The following KANSL1 variants were observed in gnomAD, a reference collection of about 807,000 sequenced individuals.
KANSL1 encodes KAT8 regulatory NSL complex subunit 1, also known as MLL1/MLL complex subunit KANSL1.
In KANSL1, 22 loss-of-function variants were observed where a neutral mutation model predicts 103.6. The observed-to-expected ratio is 0.21, with a 90% confidence interval of 0.15 to 0.30. The LOEUF (loss-of-function observed/expected upper bound fraction) is 0.30. Among genes scored for constraint, KANSL1 ranks in the 10% least tolerant of loss-of-function variants. KANSL1 has a pLI of 1.00. For synonymous variants in KANSL1, 600 were observed against 527.6 expected (o/e 1.14, Z -1.88); for missense variants, 1,337 against 1,399.8 (o/e 0.96, Z 0.72).
intron 1 of KANSL1, among the ~76,000 whole-genome samples, chr17:46,219,147 C>T (rs1488655645): frequency 6.6e-6 from 1 of 151,730 alleles, no homozygotes; most frequent in East Asian, 1.9e-4. Context: ...GCCTGTAATC[C>T]CAGCTACTTG....
chr17:46,162,296 G>A (rs936645072), intron 2 of KANSL1, among the ~76,000 whole-genome samples: 3 of 152,326 alleles, frequency 2.0e-5, no homozygotes, highest in East Asian at 1.9e-4. Context: ...TGTTTAGGGA[G>A]GTGGGGAAAT....
At chr17:46,034,436 G>A in intron 10 of KANSL1, 151 bp from the exon 11 acceptor site, 1 of 742,792 alleles carries the variant, frequency 1.3e-6, no homozygotes, top group Non-Finnish European at 2.2e-6. Flanking sequence ...TCCCACCTAG[G>A]AGTCAGTCTC....
intron 3 of KANSL1, among the ~76,000 whole-genome samples, chr17:46,091,195 T>C (rs766062812): frequency 3.3e-5 from 5 of 152,184 alleles, no homozygotes; most frequent in African/African-American, 4.8e-5. Flanking sequence ...TGTGTCTTAG[T>C]TTTTAGCAAA....
intron 2 of KANSL1, chr17:46,170,306 G>A (rs1255243100): frequency 2.0e-5 from 3 of 152,470 alleles, no homozygotes; most frequent in East Asian, 1.9e-4. Flanking sequence ...GACTGTGCTT[G>A]GAGGCGATGT....
intron 2 of KANSL1, among the ~76,000 whole-genome samples, chr17:46,156,135 G>A (rs1429212270): frequency 2.0e-5 from 3 of 152,156 alleles, no homozygotes; most frequent in African/African-American, 4.8e-5. Context: ...ATCACCTGAG[G>A]TCAAAAGTTC....
At chr17:46,100,298 G>A (rs530568959) in intron 2 of KANSL1, among the ~76,000 whole-genome samples, 1 of 152,172 alleles carries the variant, frequency 6.6e-6, no homozygotes, top group East Asian at 1.9e-4. Context: ...TTATCCAGAC[G>A]TAGTCGCGCA....
At chr17:46,145,366 T>G (rs1480240232) in intron 2 of KANSL1, among the ~76,000 whole-genome samples, 1 of 152,256 alleles carries the variant, frequency 6.6e-6, no homozygotes, top group African/African-American at 2.4e-5. Flanking sequence ...TCTACTGATT[T>G]ATGCAATAAA....
intron 2 of KANSL1, among the ~76,000 whole-genome samples, chr17:46,121,037 T>C (rs965731166): frequency 6.6e-6 from 1 of 152,166 alleles, no homozygotes; most frequent in African/African-American, 2.4e-5. Flanking sequence ...TTATAACCCA[T>C]ACATCCAGCC....
intron 2 of KANSL1, among the ~76,000 whole-genome samples, chr17:46,162,197 A>C (rs2147632800): frequency 6.6e-6 from 1 of 152,354 alleles, no homozygotes; most frequent in East Asian, 1.9e-4. Flanking sequence ...AAATTGGAGA[A>C]AGATAATTCA....
chr17:46,096,480 C>T (rs2042090348), intron 2 of KANSL1, among the ~76,000 whole-genome samples: 1 of 150,420 alleles, frequency 6.6e-6, no homozygotes, highest in African/African-American at 2.4e-5. Flanking sequence ...GCCACCATGC[C>T]CGGCTAATTT....
At chr17:46,208,109 CA>C (rs535893493) in intron 1 of KANSL1, among the ~76,000 whole-genome samples, 236 of 130,500 alleles carry the variant, frequency 1.8e-3, no homozygotes, top group African/African-American at 3.6e-3. Context: ...AAATCCGTCT[CA>C]AAAAAAAAAA....
At chr17:46,190,506 T>G (rs1048280435) in intron 1 of KANSL1, among the ~76,000 whole-genome samples, 1 of 152,248 alleles carries the variant, frequency 6.6e-6, no homozygotes, top group Admixed American at 6.5e-5. Context: ...TGGACTCATA[T>G]AGATGGAAAG....
At chr17:46,208,441 G>A (rs1036739186) in intron 1 of KANSL1, among the ~76,000 whole-genome samples, 16 of 151,694 alleles carry the variant, frequency 1.1e-4, no homozygotes, top group African/African-American at 2.7e-4. Context: ...GCAAGACCCC[G>A]GCTCTACTAA....
In KANSL1 at chr17:46,171,301, G is replaced by A. The variant is rs753023870; in HGVS notation, c.843C>T (p.Asp281=). Residue 281 remains aspartate, a synonymous_variant, in exon 2 of 15, where the codon GAC becomes GAT. Transcript: ENST00000432791. The part of the protein sequence containing the change: ...SSILFSALDS[D]TRITALLRRQ... ...GCCGCAGTAAAGCTGTTATCCTTGT[G>A]TCAGAATCTAAAGCACTGAAAAGAA... is the stretch of plus-strand genomic sequence containing the variant. The A allele has an allele frequency of 3.1e-6, 5 of 1,614,118 alleles. No individual in the cohort carries two copies. The Admixed American group carries it at 5.0e-5, about 16-fold the overall frequency.
At chr17:46,205,987 A>G (rs1489495000) in intron 1 of KANSL1, among the ~76,000 whole-genome samples, 2 of 151,390 alleles carry the variant, frequency 1.3e-5, no homozygotes, top group Non-Finnish European at 2.9e-5. Flanking sequence ...TGAGGAGGGA[A>G]GATCACTTGA....
At chr17:46,200,821 C>T (rs538863569) in intron 1 of KANSL1, among the ~76,000 whole-genome samples, 1 of 152,110 alleles carries the variant, frequency 6.6e-6, no homozygotes, top group East Asian at 1.9e-4. Context: ...AAATCTTGTT[C>T]TGATGGCATG....
intron 1 of KANSL1, among the ~76,000 whole-genome samples, chr17:46,218,680 G>A (rs2048416616): frequency 6.6e-6 from 1 of 152,110 alleles, no homozygotes; most frequent in Non-Finnish European, 1.5e-5. Flanking sequence ...CTACTTGAGA[G>A]GCTGAGGCAG....
chr17:46,221,950 T>G (rs2048544000), intron 1 of KANSL1: 1 of 152,168 alleles, frequency 6.6e-6, no homozygotes, highest in African/African-American at 2.4e-5. Flanking sequence ...AATGCTATCC[T>G]CCCCGCAAAA....
At chr17:46,041,063 T>C (rs924319322) in intron 7 of KANSL1, 1 of 152,226 alleles carries the variant, frequency 6.6e-6, no homozygotes, top group African/African-American at 2.4e-5. Context: ...AAGTCTCAGA[T>C]GGAAATGATT....
Sources: allele counts gnomAD v4.1 joint callset (sites outside exome capture counted in the v4.1 genomes callset), GRCh38; gene constraint gnomAD v4.1.1; transcripts MANE v1.5; gene names NCBI Gene and HGNC (gene_info 2026-07-23, HGNC 2026-07-21).